The following DBT variants were observed in gnomAD, a reference collection of about 807,000 sequenced individuals.
The protein encoded by DBT is lipoamide acyltransferase component of branched-chain alpha-keto acid dehydrogenase complex, mitochondrial.
DBT carries 40 observed loss-of-function variants against 51.3 expected under a neutral mutation model. The observed-to-expected ratio is 0.78, with a 90% CI of 0.61 to 1.02. The LOEUF (loss-of-function observed/expected upper bound fraction) is 1.02. Among genes scored for constraint, DBT ranks in the 50% least tolerant of loss-of-function variants. The pLI is 0.00. For synonymous variants in DBT, 181 were observed against 190.4 expected (o/e 0.95, Z 0.41); for missense variants, 510 against 580.2 (o/e 0.88, Z 1.24).
intron 10 of DBT, among the ~76,000 whole-genome samples, chr1:100,202,614 A>T (rs1226197714): frequency 2.0e-5 from 3 of 152,204 alleles, no homozygotes; most frequent in Admixed American, 6.5e-5. Context: ...ACCCCAAATC[A>T]ACAGAATATA....
intron 1 of DBT, among the ~76,000 whole-genome samples, chr1:100,245,502 C>G (rs1367353968): frequency 6.6e-6 from 1 of 152,164 alleles, no homozygotes; most frequent in Non-Finnish European, 1.5e-5. Context: ...ACCATCTGTA[C>G]CAATTTGCCT....
At position 100,206,310 on chromosome 1, in the gene DBT, TA is replaced by T. The variant is rs398123658; in HGVS notation, c.1210-10del. The T allele has an allele frequency of 0.042, 55,240 of 1,325,156 alleles. 172 individuals carry two copies. Among genetic ancestry groups the T allele is most frequent in the African/African-American group, 0.12 (7,502 of 63,748 alleles). The allele number at this position is 1,325,156 out of a possible 1,614,324, so 82.1% of individuals were successfully genotyped here. A position where few individuals can be genotyped will look rare whatever the true frequency, so the allele number is the denominator to read the frequency against. Reference sequence around the variant, plus strand: ...GCAAAGGTACCACCAATCTATTTTTTAAAAAAAAAAAAAGGAGAGTATTAAA... The same window carrying T: ...GCAAAGGTACCACCAATCTATTTTTTAAAAAAAAAAAAGGAGAGTATTAAA... On this transcript the variant is annotated splice_polypyrimidine_tract_variant and intron_variant, in intron 9 of 10. Coordinates refer to ENST00000370132, the MANE Select transcript of DBT (RefSeq NM_001918.5).
chr1:100,238,245 T>C (rs1664007143), intron 2 of DBT, among the ~76,000 whole-genome samples: 1 of 136,176 alleles, frequency 7.3e-6, no homozygotes. Context: ...TTCCCTCACT[T>C]CCTTTCCTCC....
intron 4 of DBT, among the ~76,000 whole-genome samples, chr1:100,226,007 A>C (rs1365751034): frequency 6.6e-6 from 1 of 152,022 alleles, no homozygotes; most frequent in African/African-American, 2.4e-5. Context: ...AAACAAAACA[A>C]AACAAAACAA....
At chr1:100,213,203 C>A in intron 7 of DBT, 1 of 568,584 alleles carries the variant, frequency 1.8e-6, no homozygotes, top group Non-Finnish European at 2.7e-6. Flanking sequence ...AGATAATGGG[C>A]CCTGCCCCGC....
intron 8 of DBT, 23 bp downstream of exon 8, chr1:100,210,671 C>G (rs774692981): frequency 6.2e-7 from 1 of 1,612,852 alleles, no homozygotes. Context: ...ATAATAAGAA[C>G]ATTTTTACTC....
At chr1:100,201,984 G>C (rs1267396106) in intron 10 of DBT, among the ~76,000 whole-genome samples, 2 of 152,204 alleles carry the variant, frequency 1.3e-5, no homozygotes, top group Non-Finnish European at 2.9e-5. Context: ...ACACTATGAA[G>C]AAACTGCATC....
chr1:100,213,568 C>A, intron 7 of DBT: 3 of 1,586,970 alleles, frequency 1.9e-6, no homozygotes, highest in Non-Finnish European at 2.6e-6. Context: ...GCTTCACCTT[C>A]CTGGGCATCT....
At chr1:100,229,628 C>T (rs1490130569) in intron 4 of DBT, among the ~76,000 whole-genome samples, 1 of 152,158 alleles carries the variant, frequency 6.6e-6, no homozygotes, top group Non-Finnish European at 1.5e-5. Context: ...AAGTGTCAGC[C>T]AGACACTGTA....
In DBT at chr1:100,196,040, C is replaced by A; in HGVS notation, c.*215G>T. On this transcript the variant is annotated 3_prime_UTR_variant, in exon 11 of 11. Coordinates refer to ENST00000370132, the MANE Select transcript of DBT (RefSeq NM_001918.5). ...ACCATATTAAGAAGTCACACTCTGA[C>A]CTATAAAATGTGACAGCCCCAGGAG... is the stretch of plus-strand genomic sequence containing the variant. 1.7e-6 allele frequency: 1 copy of A among 596,034 alleles called. No homozygotes were observed. 36.9% of individuals were successfully genotyped at this position (596,034 alleles called of 1,614,324 possible). A position where few individuals can be genotyped will look rare whatever the true frequency, so the allele number is the denominator to read the frequency against.
chr1:100,218,488 T>C (rs1358410020), intron 5 of DBT, 138 bp downstream of exon 5: 3 of 940,010 alleles, frequency 3.2e-6, no homozygotes, highest in Non-Finnish European at 5.0e-6. Context: ...TATGCAACTA[T>C]TGCTTTTCAG....
intron 1 of DBT, among the ~76,000 whole-genome samples, chr1:100,245,918 C>G (rs1297682133): frequency 6.6e-6 from 1 of 151,890 alleles, no homozygotes; most frequent in African/African-American, 2.4e-5. Context: ...TGCCACCACA[C>G]TCCAGCCTGG....
At chr1:100,209,997 T>TAA (rs922324047) in intron 8 of DBT, among the ~76,000 whole-genome samples, 4 of 152,160 alleles carry the variant, frequency 2.6e-5, no homozygotes, top group African/African-American at 9.6e-5. Flanking sequence ...TTTTCTCACT[T>TAA]AAATTATTCT....
At position 100,230,791 on chromosome 1, in the gene DBT, T is replaced by C; in HGVS notation, c.375A>G (p.Leu125=). The C allele has an allele frequency of 6.2e-7, 1 of 1,611,462 alleles. No individual in the cohort carries two copies. The highest frequency in any genetic ancestry group is 8.5e-7 in the Non-Finnish European group (1 of 1,177,882). Reference sequence around the variant, plus strand: ...GCTTCCCCACATAGGCAATATCGTCTAGATTATAATAGAGTTTTTTAATGA... The same window carrying C: ...GCTTCCCCACATAGGCAATATCGTCCAGATTATAATAGAGTTTTTTAATGA... ...DGVIKKLYYN[L]DDIAYVGKPL... The change falls in exon 4 of 11, where the codon CTA becomes CTG. Residue 125 remains leucine, a synonymous_variant. Coordinates refer to ENST00000370132, the MANE Select transcript of DBT (RefSeq NM_001918.5).
intron 3 of DBT, among the ~76,000 whole-genome samples, chr1:100,235,027 T>C (rs1663785005): frequency 6.6e-6 from 1 of 152,194 alleles, no homozygotes; most frequent in Non-Finnish European, 1.5e-5. Context: ...AGGCCCTTTT[T>C]TGGACAATTT....
chr1:100,222,898 A>G (rs954820293), intron 4 of DBT, among the ~76,000 whole-genome samples: 1 of 152,104 alleles, frequency 6.6e-6, no homozygotes, highest in African/African-American at 2.4e-5. Flanking sequence ...CTCAGCATTA[A>G]AACTGTCCAC....
At chr1:100,213,650 T>C in intron 7 of DBT, 2 of 1,610,604 alleles carry the variant, frequency 1.2e-6, no homozygotes, top group Non-Finnish European at 1.7e-6. Context: ...ATGCCCCAAC[T>C]GTGGAGCCAC....
chr1:100,242,958 T>C (rs1664306669), intron 1 of DBT, among the ~76,000 whole-genome samples: 1 of 152,144 alleles, frequency 6.6e-6, no homozygotes, highest in Non-Finnish European at 1.5e-5. Flanking sequence ...GTGCCTCCCA[T>C]GTGCTGAGTA....
At chr1:100,240,735 A>G (rs751449347) in intron 2 of DBT, 26 bp downstream of exon 2, 3 of 1,561,260 alleles carry the variant, frequency 1.9e-6, no homozygotes, top group Non-Finnish European at 2.6e-6. Flanking sequence ...ATTATTTTAT[A>G]CACGTTATTT....
Sources: gnomAD v4.1 joint callset for allele counts (sites outside exome capture counted in the v4.1 genomes callset) on GRCh38, gnomAD v4.1.1 for gene constraint, MANE v1.5 for transcripts, NCBI Gene and HGNC (gene_info 2026-07-23, HGNC 2026-07-21) for gene names.